Variants in EPHA7 observed in about 807,000 individuals in gnomAD.
EPHA7 encodes the protein ephrin type-A receptor 7.
Under a neutral mutation model 112.6 loss-of-function variants are expected in EPHA7, and 25 were observed. The ratio of observed to expected loss-of-function variants is 0.22; its 90% confidence interval spans 0.16 to 0.31. The LOEUF is 0.31. Ranked by LOEUF, EPHA7 falls within the 10% of genes least tolerant of loss-of-function variation. EPHA7 has a pLI of 1.00. For missense variants in EPHA7, 962 were observed against 1,212.6 expected, an observed-to-expected ratio of 0.79 and a Z score of 3.07; for synonymous variants, 437 against 406.5, an observed-to-expected ratio of 1.07 and a Z score of -0.90.
Position 93,411,100 on chromosome 6 carries a change from T to C in EPHA7, c.233A>G (p.Glu78Gly). The change falls in exon 3 of 17, where the codon GAG becomes GGG. Residue 78 changes from glutamate to glycine, a missense_variant. Physicochemically the swap from Glu to Gly is moderately conservative, Grantham distance 98 (BLOSUM62 -2). This residue lies in a region of EPHA7 where 160 missense variants were observed against 263.6 expected (regional missense o/e 0.61). Transcript: ENST00000369303. The stretch of plus-strand genomic sequence containing the variant: ...CCGCAGCCAGTTGTTTTGGTTGGGC[T>C]CCATGACTTGGCACACCTGGTATGT... ...IRTYQVCQVM[E>G]PNQNNWLRTN... 1 of 1,613,822 alleles carries C rather than the reference T, an allele frequency of 6.2e-7. No individual in the cohort carries two copies. Among genetic ancestry groups the C allele is most frequent in the Non-Finnish European group, 8.5e-7 (1 of 1,179,938 alleles).
chr6:93,408,225 TATCA>T (rs1385650602), intron 3 of EPHA7, among the ~76,000 whole-genome samples: 1 of 152,072 alleles, frequency 6.6e-6, no homozygotes, highest in East Asian at 1.9e-4. Context: ...TCCTTTTTCA[TATCA>T]ATCAAGTTCT....
chr6:93,419,228 C>T lies in EPHA7; in HGVS notation c.97+17G>A, dbSNP rs774772766. 1.2e-6 allele frequency: 2 copies of T among 1,606,262 alleles called. No homozygotes were observed. Among genetic ancestry groups the T allele is most frequent in the South Asian group, 1.1e-5 (1 of 90,750 alleles). On this transcript the variant is annotated intron_variant, in intron 1 of 16. Transcript: ENST00000369303. ...AATAAATAAGTCAGAACAAACTTTG[C>T]TTTCCCATCACCTTACCTTCCTTCG...
chr6:93,276,728 G>A (rs1771490977), intron 5 of EPHA7, among the ~76,000 whole-genome samples: 1 of 151,994 alleles, frequency 6.6e-6, no homozygotes, highest in South Asian at 2.1e-4. Context: ...ATTGTATGTT[G>A]AAATAGCATG....
intron 5 of EPHA7, among the ~76,000 whole-genome samples, chr6:93,291,277 T>C (rs1772347507): frequency 6.6e-6 from 1 of 152,222 alleles, no homozygotes; most frequent in African/African-American, 2.4e-5. Context: ...AATTTTATTT[T>C]GAATGCAATG....
chr6:93,276,081 G>A (rs1357557194), intron 5 of EPHA7, among the ~76,000 whole-genome samples: 2 of 152,020 alleles, frequency 1.3e-5, no homozygotes, highest in Non-Finnish European at 2.9e-5. Context: ...CCACGAAGAT[G>A]TCTATACCCT....
At chr6:93,406,339 T>TA (rs972590314) in intron 3 of EPHA7, among the ~76,000 whole-genome samples, 27 of 149,924 alleles carry the variant, frequency 1.8e-4, no homozygotes, top group East Asian at 5.9e-4. Context: ...ATCATCCAAA[T>TA]AAAAAAAAAC....
intron 3 of EPHA7, among the ~76,000 whole-genome samples, chr6:93,390,386 A>C (rs1389841990): frequency 6.6e-6 from 1 of 151,878 alleles, no homozygotes; most frequent in East Asian, 1.9e-4. Context: ...AGAAACTGGC[A>C]TATTAACTAC....
At chr6:93,399,932 G>A (rs938287557) in intron 3 of EPHA7, among the ~76,000 whole-genome samples, 1 of 151,882 alleles carries the variant, frequency 6.6e-6, no homozygotes, top group Non-Finnish European at 1.5e-5. Context: ...GATCTTTAAG[G>A]CACACTCAAA....
chr6:93,260,630 A>G, intron 9 of EPHA7: 2 of 975,468 alleles, frequency 2.1e-6, no homozygotes, highest in Non-Finnish European at 2.4e-6. Context: ...AAGTAAACAC[A>G]TAACAAAAAG....
At chr6:93,376,276 A>G (rs1405915524) in intron 3 of EPHA7, among the ~76,000 whole-genome samples, 1 of 152,096 alleles carries the variant, frequency 6.6e-6, no homozygotes, top group East Asian at 1.9e-4. Context: ...AGCAGCTGGG[A>G]CCACAGGCAT....
At chr6:93,325,692 G>T (rs1300124900) in intron 5 of EPHA7, among the ~76,000 whole-genome samples, 1 of 151,084 alleles carries the variant, frequency 6.6e-6, no homozygotes, top group Non-Finnish European at 1.5e-5. Context: ...ATTTAACCAA[G>T]GTTAACTGCA....
intron 3 of EPHA7, among the ~76,000 whole-genome samples, chr6:93,386,123 C>A (rs2127976171): frequency 6.6e-6 from 1 of 152,248 alleles, no homozygotes; most frequent in South Asian, 2.1e-4. Flanking sequence ...TCATCCTTCT[C>A]AAATTTCACA....
rs1397320389 is a variant in EPHA7, at chr6:93,356,789, C to G, written c.1252G>C (p.Val418Leu). ...CGGCTTAAGTCAGAAACTCCATTTA[C>G]AGCTTCAACTTCAAAAGTATAATTA... ...HANYTFEVEA[V>L]NGVSDLSRSQ... The change falls in exon 5 of 17, where the codon GTA becomes CTA. Residue 418 changes from valine (V) to leucine (L), a missense_variant. Physicochemically the swap from Val to Leu is conservative, Grantham distance 32 (BLOSUM62 1). Around this residue, in one of 3 missense-constraint regions of EPHA7, gnomAD observed 746 missense variants for 889.2 expected, o/e 0.84. Transcript: ENST00000369303. The G allele has an allele frequency of 3.1e-6, 5 of 1,614,044 alleles. No individual in the cohort carries two copies. Among genetic ancestry groups the G allele is most frequent in the Admixed American group, 3.3e-5 (2 of 60,002 alleles).
intron 5 of EPHA7, among the ~76,000 whole-genome samples, chr6:93,335,030 G>A (rs1774792637): frequency 6.6e-6 from 1 of 151,992 alleles, no homozygotes; most frequent in Non-Finnish European, 1.5e-5. Flanking sequence ...ATAACCTCAG[G>A]TGTTGTCTCA....
At chr6:93,387,194 T>C (rs535160058) in intron 3 of EPHA7, among the ~76,000 whole-genome samples, 1 of 152,254 alleles carries the variant, frequency 6.6e-6, no homozygotes, top group Admixed American at 6.5e-5. Flanking sequence ...AGAAATTTCT[T>C]CTGCCAGATA....
intron 5 of EPHA7, among the ~76,000 whole-genome samples, chr6:93,282,513 T>C (rs1018074476): frequency 2.0e-5 from 3 of 152,228 alleles, no homozygotes; most frequent in Non-Finnish European, 4.4e-5. Flanking sequence ...CACTCACTCT[T>C]GGCGCCTCCT....
chr6:93,390,354 A>T (rs1228123355), intron 3 of EPHA7, among the ~76,000 whole-genome samples: 1 of 151,900 alleles, frequency 6.6e-6, no homozygotes, highest in Non-Finnish European at 1.5e-5. Flanking sequence ...TCAGCCATAA[A>T]AAAGGCAATT....
At chr6:93,359,427 T>G (rs910893419) in intron 3 of EPHA7, among the ~76,000 whole-genome samples, 4 of 145,204 alleles carry the variant, frequency 2.8e-5, no homozygotes, top group African/African-American at 1.1e-4. Flanking sequence ...AATAAACATC[T>G]ACTTAAATTT....
At position 93,255,679 on chromosome 6, in the gene EPHA7, AC is replaced by A; in HGVS notation, c.2382+148del. ...TACAAACAATGATTCTTCCAGAAAA[AC>A]AAAAAACAAAAAACAAAAAAAGCAA... On this transcript the variant is annotated intron_variant, in intron 13 of 16. Transcript: ENST00000369303. 59 of 539,738 alleles carry A rather than the reference AC, an allele frequency of 1.1e-4. 1 individual carries two copies. The highest frequency in any genetic ancestry group is 3.1e-4 in the East Asian group (9 of 28,792). 33.4% of individuals were successfully genotyped at this position (539,738 alleles called of 1,614,324 possible).
Sources: allele counts gnomAD v4.1 joint callset (sites outside exome capture counted in the v4.1 genomes callset), GRCh38; gene constraint gnomAD v4.1.1; regional missense constraint gnomAD v4.1.1; transcripts MANE v1.5; gene names NCBI Gene and HGNC (gene_info 2026-07-23, HGNC 2026-07-21).